Variants in ACVR1 observed in about 807,000 individuals in gnomAD.
The protein encoded by ACVR1 is activin A receptor type 1.
A neutral mutation model predicts 57.1 loss-of-function variants in ACVR1; 38 were observed. The observed-to-expected ratio is 0.67, with a 90% CI of 0.51 to 0.87. The LOEUF (loss-of-function observed/expected upper bound fraction) is 0.87, where lower values mean the gene tolerates loss of function less well. ACVR1 is among the 40% of genes least tolerant of loss of function. ACVR1 has a pLI of 0.00. For missense variants in ACVR1, 463 were observed against 638.2 expected (o/e 0.73, Z 2.96); for synonymous variants, 212 against 228.1 (o/e 0.93, Z 0.63).
At chr2:157,827,010 G>A (rs1398082467) in intron 1 of ACVR1, among the ~76,000 whole-genome samples, 1 of 151,602 alleles carries the variant, frequency 6.6e-6, no homozygotes, top group Non-Finnish European at 1.5e-5. Context: ...CATAAACTTG[G>A]TAAAGAAAAA....
chr2:157,792,777 T>C (rs1315074136), intron 3 of ACVR1, among the ~76,000 whole-genome samples: 2 of 152,254 alleles, frequency 1.3e-5, no homozygotes, highest in Admixed American at 1.3e-4. Context: ...TACTGTTTCA[T>C]GAAATTTTCA....
rs1252833609 is a variant in ACVR1 at position 157,737,645 on chromosome 2, C to T, written c.1416G>A (p.Lys472=). Residue 472 remains lysine, a synonymous_variant, in exon 11 of 11, where the codon AAG becomes AAA. Coordinates refer to ENST00000434821, the MANE Select transcript of ACVR1 (RefSeq NM_001111067.4). ...TTTGATACCAGCATTCTTTCATTAG[C>T]TTGGCCAGAGAGGTTAATGTCTGAG... The part of the protein sequence containing the change: ...FSDPTLTSLA[K]LMKECWYQNP... The T allele has an allele frequency of 6.2e-7, 1 of 1,614,014 alleles. No individual in the cohort carries two copies. Among genetic ancestry groups the T allele is most frequent in the Non-Finnish European group, 8.5e-7 (1 of 1,179,992 alleles).
At chr2:157,855,269 AGTGTG>A (rs1248076970) in intron 1 of ACVR1, among the ~76,000 whole-genome samples, 103 of 85,176 alleles carry the variant, frequency 1.2e-3, no homozygotes, top group African/African-American at 2.6e-3. Flanking sequence ...AAAAAAAAAA[AGTGTG>A]TGTGTGTGTG....
At chr2:157,824,776 CAG>C (rs1688282101) in intron 1 of ACVR1, among the ~76,000 whole-genome samples, 1 of 151,264 alleles carries the variant, frequency 6.6e-6, no homozygotes, top group Non-Finnish European at 1.5e-5. Context: ...TTTTTTGAGA[CAG>C]AGTCTCACTC....
chr2:157,867,583 C>CT (rs1336399476), intron 1 of ACVR1, among the ~76,000 whole-genome samples: 4 of 152,170 alleles, frequency 2.6e-5, no homozygotes, highest in African/African-American at 9.7e-5. Context: ...GAATATGGCC[C>CT]TGGGGCTGCC....
At chr2:157,857,752 G>A (rs1387418949) in intron 1 of ACVR1, among the ~76,000 whole-genome samples, 1 of 152,116 alleles carries the variant, frequency 6.6e-6, no homozygotes, top group Non-Finnish European at 1.5e-5. Flanking sequence ...ACATTTATAA[G>A]AATATCAATT....
chr2:157,840,628 T>C (rs1250886910), intron 1 of ACVR1, among the ~76,000 whole-genome samples: 1 of 152,250 alleles, frequency 6.6e-6, no homozygotes, highest in East Asian at 1.9e-4. Flanking sequence ...AATCTTAACC[T>C]GACATGGCAC....
At chr2:157,761,221 A>G in intron 8 of ACVR1, 144 bp from the exon 9 acceptor site, 1 of 742,534 alleles carries the variant, frequency 1.3e-6, no homozygotes, top group Non-Finnish European at 2.3e-6. Flanking sequence ...GATCCCTAGA[A>G]TGCCCTTTGT....
At chr2:157,777,160 C>G (rs1686322068) in intron 5 of ACVR1, among the ~76,000 whole-genome samples, 1 of 152,166 alleles carries the variant, frequency 6.6e-6, no homozygotes, top group Non-Finnish European at 1.5e-5. Context: ...TTAAAATGAA[C>G]ACTTGGTAAG....
intron 9 of ACVR1, among the ~76,000 whole-genome samples, chr2:157,754,704 T>C (rs1398723916): frequency 6.6e-6 from 1 of 152,170 alleles, no homozygotes; most frequent in Non-Finnish European, 1.5e-5. Context: ...GTACCAATCT[T>C]ACTGACAATA....
At chr2:157,824,569 T>C (rs13430423) in intron 1 of ACVR1, among the ~76,000 whole-genome samples, 5,446 of 152,186 alleles carry the variant, frequency 0.036, 329 homozygotes, top group African/African-American at 0.12. Context: ...CAATACTCAT[T>C]CTTCCACTGG....
At chr2:157,851,023 G>C (rs914731040) in intron 1 of ACVR1, among the ~76,000 whole-genome samples, 24 of 152,004 alleles carry the variant, frequency 1.6e-4, no homozygotes, top group African/African-American at 5.6e-4. Flanking sequence ...TAACTTAACA[G>C]ATCTATCTTA....
chr2:157,850,783 C>A (rs949368693), intron 1 of ACVR1, among the ~76,000 whole-genome samples: 2 of 152,014 alleles, frequency 1.3e-5, no homozygotes, highest in Middle Eastern at 3.2e-3. Context: ...ACGGTGAAAC[C>A]CCGTCTCTAC....
intron 9 of ACVR1, among the ~76,000 whole-genome samples, chr2:157,747,144 A>G (rs1184743386): frequency 1.3e-5 from 2 of 152,250 alleles, no homozygotes; most frequent in East Asian, 3.8e-4. Flanking sequence ...TAAATGAGAT[A>G]CATTTTATAT....
chr2:157,772,699 G>T (rs902730949), intron 6 of ACVR1, among the ~76,000 whole-genome samples: 25 of 152,224 alleles, frequency 1.6e-4, no homozygotes, highest in African/African-American at 6.0e-4. Flanking sequence ...CCACTATCCA[G>T]ATAATCTTGT....
intron 9 of ACVR1, among the ~76,000 whole-genome samples, chr2:157,743,499 C>T (rs1684854875): frequency 6.6e-6 from 1 of 151,948 alleles, no homozygotes; most frequent in Admixed American, 6.6e-5. Context: ...ACACTAGATA[C>T]ACAAATAAAT....
In ACVR1 at chr2:157,780,567, A is replaced by T. The variant is rs757848830; in HGVS notation, c.101T>A (p.Met34Lys). 1.2e-6 allele frequency: 2 copies of T among 1,613,718 alleles called. No individual in the cohort carries two copies. Among genetic ancestry groups the T allele is most frequent in the Non-Finnish European group, 1.7e-6 (2 of 1,179,876 alleles). Reference protein sequence around the residue: ...EKPKVNPKLYMCVCEGLSCGN... With the variant: ...EKPKVNPKLYKCVCEGLSCGN... Reference sequence around the variant, plus strand: ...GCAGGAGAGACCTTCACACACACACATGTAGAGTTTGGGGTTGACCTTGGG... The same window carrying T: ...GCAGGAGAGACCTTCACACACACACTTGTAGAGTTTGGGGTTGACCTTGGG... The change falls in exon 4 of 11, where the codon ATG (methionine) becomes AAG (lysine). Residue 34 changes from methionine (M) to lysine (K), a missense_variant. Physicochemically the swap from Met to Lys is moderately conservative, Grantham distance 95. Around this residue, in one of 3 missense-constraint regions of ACVR1, gnomAD observed 203 missense variants for 235.5 expected, o/e 0.86. Transcript: ENST00000434821.
At chr2:157,761,666 T>C (rs1685661419) in intron 8 of ACVR1, among the ~76,000 whole-genome samples, 1 of 152,220 alleles carries the variant, frequency 6.6e-6, no homozygotes, top group African/African-American at 2.4e-5. Flanking sequence ...TGGACCTCAA[T>C]TGAAAGCACA....
At chr2:157,796,053 A>G (rs958932030) in intron 3 of ACVR1, among the ~76,000 whole-genome samples, 1 of 151,496 alleles carries the variant, frequency 6.6e-6, no homozygotes, top group African/African-American at 2.4e-5. Context: ...GTGAGACCCC[A>G]GCTCTACAAA....
Sources: gnomAD v4.1 joint callset for allele counts (sites outside exome capture counted in the v4.1 genomes callset) on GRCh38, gnomAD v4.1.1 for gene constraint, gnomAD v4.1.1 regional missense constraint, MANE v1.5 for transcripts, NCBI Gene and HGNC (gene_info 2026-07-23, HGNC 2026-07-21) for gene names.